DTX1: variants seen among roughly 807,000 people sequenced by gnomAD.
DTX1 encodes the protein deltex E3 ubiquitin ligase 1.
In DTX1, 26 loss-of-function variants were observed where a neutral mutation model predicts 57.8. The ratio of observed to expected loss-of-function variants is 0.45; its 90% confidence interval spans 0.33 to 0.62. The LOEUF (loss-of-function observed/expected upper bound fraction) is 0.62, where lower values mean the gene tolerates loss of function less well. Among genes scored for constraint, DTX1 ranks in the 20% least tolerant of loss-of-function variants. The probability of loss-of-function intolerance (pLI) is 0.02; values close to 1 mark genes in which losing one functional copy is unlikely to be tolerated. For missense variants in DTX1, 704 were observed against 895.3 expected, an observed-to-expected ratio of 0.79 and a Z score of 2.73; for synonymous variants, 398 against 394.1, an observed-to-expected ratio of 1.01 and a Z score of -0.12.
At chr12:113,094,171 G>A in intron 6 of DTX1, 72 bp downstream of exon 6, 2 of 1,414,530 alleles carry the variant, frequency 1.4e-6, no homozygotes, top group Non-Finnish European at 1.9e-6. Flanking sequence ...CCCTCCTCCT[G>A]GGTTCTGGGT....
In DTX1 at chr12:113,093,742, T is replaced by A. The variant is rs750224436; in HGVS notation, c.1165+42T>A. The A allele has an allele frequency of 1.2e-6, 2 of 1,606,312 alleles. No homozygotes were observed. The highest frequency in any genetic ancestry group is 3.4e-5 in the Admixed American group (2 of 59,606). ...CTGCCTCACACGAGATGAACCCCAC[T>A]AAGCCTTGACCACAACTCTGTGACC... On this transcript the variant is annotated intron_variant, in intron 5 of 9. Transcript: ENST00000548759. This position sits in a 1 kb window ranked among gnomAD's most constrained non-coding sequence, Gnocchi z 4.2.
At chr12:113,087,172 T>A (rs2044867032) in intron 3 of DTX1, among the ~76,000 whole-genome samples, 1 of 151,992 alleles carries the variant, frequency 6.6e-6, no homozygotes, top group African/African-American at 2.4e-5. Context: ...AATCTGAGCC[T>A]CCAATACCAC....
chr12:113,080,281 G>A (rs1202291870), intron 3 of DTX1, among the ~76,000 whole-genome samples: 1 of 152,250 alleles, frequency 6.6e-6, no homozygotes, highest in Non-Finnish European at 1.5e-5. Context: ...GAGTCACTGA[G>A]ATCTCAGGGA....
At chr12:113,095,235 G>A (rs1476810676) in intron 8 of DTX1, 32 bp downstream of exon 8, 1 of 1,602,180 alleles carries the variant, frequency 6.2e-7, no homozygotes, top group Non-Finnish European at 8.5e-7. Context: ...CTGGCCCCCA[G>A]CCCCCACACC....
intron 2 of DTX1, among the ~76,000 whole-genome samples, chr12:113,073,545 C>G (rs1301108145): frequency 6.6e-6 from 1 of 152,212 alleles, no homozygotes; most frequent in Admixed American, 6.5e-5. Context: ...CCTCTTCAAC[C>G]CCGCCCCTTT....
Position 113,093,974 on chromosome 12 carries a change from C to G in DTX1, c.1166-64C>G. ...CTGCCCTCTGACCCCTGACCCAGTT[C>G]TGAGCCAAGCCTTCGGGGACAGACT... On this transcript the variant is annotated intron_variant, in intron 5 of 9. Coordinates refer to ENST00000548759, the MANE Select transcript of DTX1 (RefSeq NM_004416.3). The surrounding 1 kb of genome is among the most constrained non-coding windows in gnomAD (Gnocchi z 4.2). 6.4e-7 allele frequency: 1 copy of G among 1,552,414 alleles called. No homozygotes were observed. The highest frequency in any genetic ancestry group is 8.7e-7 in the Non-Finnish European group (1 of 1,145,856).
At chr12:113,060,885 G>A (rs939206425) in intron 2 of DTX1, among the ~76,000 whole-genome samples, 1 of 151,980 alleles carries the variant, frequency 6.6e-6, no homozygotes, top group Non-Finnish European at 1.5e-5. Context: ...TGGGTGTAGA[G>A]ATCTTCCGGG....
rs1449874987 is a variant in DTX1, at chr12:113,057,939, G to A, written c.-254G>A. ...TAGAGCTGTTTCCTCCGGCATAAGA[G>A]AGACACTTGCTTTCCAGGGCAGCAC... On this transcript the variant is annotated 5_prime_UTR_variant, in exon 2 of 10. Transcript: ENST00000548759. The A allele has an allele frequency of 1.7e-6, 1 of 581,060 alleles. No homozygotes were observed. Among genetic ancestry groups the A allele is most frequent in the African/African-American group, 1.9e-5 (1 of 53,718 alleles). 36.0% of individuals were successfully genotyped at this position (581,060 alleles called of 1,614,324 possible).
At chr12:113,082,807 AG>A (rs1222184296) in intron 3 of DTX1, among the ~76,000 whole-genome samples, 2 of 152,208 alleles carry the variant, frequency 1.3e-5, no homozygotes, top group African/African-American at 4.8e-5. Context: ...TATGTTGCCC[AG>A]GCTGGTCTCA....
chr12:113,095,330 T>C lies in DTX1; in HGVS notation c.1554T>C (p.Pro518=), dbSNP rs1950281614. The change falls in exon 9 of 10, where the codon CCT becomes CCC. Residue 518 remains proline, a synonymous_variant. Transcript: ENST00000548759. ...TGTACTGTCCCTCTCTGCAGGGCCC[T>C]GAGCACCCCAACCCCGGGAAGAAGT... is the stretch of plus-strand genomic sequence containing the variant. The part of the protein sequence containing the change: ...VYDIPTGIQG[P]EHPNPGKKFT... 2.5e-6 allele frequency: 4 copies of C among 1,614,064 alleles called. No homozygotes were observed. Among genetic ancestry groups the C allele is most frequent in the Non-Finnish European group, 3.4e-6 (4 of 1,179,960 alleles).
intron 2 of DTX1, among the ~76,000 whole-genome samples, chr12:113,072,781 G>A (rs981263944): frequency 4.3e-5 from 6 of 138,164 alleles, no homozygotes; most frequent in African/African-American, 1.6e-4. Context: ...TCAGCTCACT[G>A]CAACCTCTGC....
chr12:113,077,803 C>T lies in DTX1; in HGVS notation c.639C>T (p.Ala213=). 2 of 1,486,234 alleles carry T rather than the reference C, an allele frequency of 1.3e-6. No individual in the cohort carries two copies. The highest frequency in any genetic ancestry group is 1.8e-6 in the Non-Finnish European group (2 of 1,127,738). The allele number at this position is 1,486,234 out of a possible 1,614,324, so 92.1% of individuals were successfully genotyped here. ...GCCTGCTGGTCAACAGCACGCGCGC[C>T]GCCTCCAACGCCATCCTGGCCTCGC... The part of the protein sequence containing the change: ...QQCLLVNSTR[A]ASNAILASQR... The change falls in exon 3 of 10, where the codon GCC becomes GCT. Residue 213 remains alanine (A), a synonymous_variant. Coordinates refer to ENST00000548759, the MANE Select transcript of DTX1 (RefSeq NM_004416.3). This position sits in a 1 kb window ranked among gnomAD's most constrained non-coding sequence, Gnocchi z 7.8.
rs1566023564 is a variant in DTX1, at chr12:113,096,873, C to T, written c.1797C>T (p.Ser599=). The change falls in exon 10 of 10, where the codon AGC becomes AGT. Residue 599 remains serine (S), a synonymous_variant. Transcript: ENST00000548759. Reference sequence around the variant, plus strand: ...CGGGCCACGGCTACCCGGACGCTAGCTACCTAGACAACGTGCTGGCTGAGC... The same window carrying T: ...CGGGCCACGGCTACCCGGACGCTAGTTACCTAGACAACGTGCTGGCTGAGC... The part of the protein sequence containing the change: ...NLTGHGYPDA[S]YLDNVLAELT... 1 of 1,613,744 alleles carries T rather than the reference C, an allele frequency of 6.2e-7. No individual in the cohort carries two copies. Among genetic ancestry groups the T allele is most frequent in the Non-Finnish European group, 8.5e-7 (1 of 1,180,036 alleles).
intron 3 of DTX1, among the ~76,000 whole-genome samples, chr12:113,091,447 G>C (rs1950246243): frequency 6.6e-6 from 1 of 152,108 alleles, no homozygotes; most frequent in Admixed American, 6.5e-5. Flanking sequence ...GTGTGTCTGT[G>C]TGTGCATGTA....
intron 2 of DTX1, among the ~76,000 whole-genome samples, chr12:113,064,549 C>T (rs2044690732): frequency 1.3e-5 from 2 of 152,254 alleles, no homozygotes; most frequent in South Asian, 4.1e-4. Context: ...ATGGAAATAG[C>T]CTTTGAACCC....
Position 113,093,767 on chromosome 12 carries a change from C to A in DTX1, c.1165+67C>A. The A allele has an allele frequency of 6.3e-7, 1 of 1,586,522 alleles. No individual in the cohort carries two copies. Among genetic ancestry groups the A allele is most frequent in the East Asian group, 2.3e-5 (1 of 44,294 alleles). On this transcript the variant is annotated intron_variant, in intron 5 of 9. Coordinates refer to ENST00000548759, the MANE Select transcript of DTX1 (RefSeq NM_004416.3). This position sits in a 1 kb window ranked among gnomAD's most constrained non-coding sequence, Gnocchi z 4.2. The stretch of plus-strand genomic sequence containing the variant: ...TAAGCCTTGACCACAACTCTGTGAC[C>A]CCTGGTCTCCAACTTATTCTTAGCA...
At chr12:113,076,458 GAAAAAA>G (rs56382675) in intron 2 of DTX1, among the ~76,000 whole-genome samples, 1 of 126,522 alleles carries the variant, frequency 7.9e-6, no homozygotes, top group Non-Finnish European at 1.7e-5. Context: ...ACTCTGCCTG[GAAAAAA>G]AAAAAAAAAA....
At chr12:113,091,511 T>C (rs1950246799) in intron 3 of DTX1, among the ~76,000 whole-genome samples, 1 of 151,988 alleles carries the variant, frequency 6.6e-6, no homozygotes, top group African/African-American at 2.4e-5. Context: ...TACTTAAACA[T>C]GTGTGTGTAA....
chr12:113,075,853 T>C (rs540982706), intron 2 of DTX1, among the ~76,000 whole-genome samples: 4 of 152,286 alleles, frequency 2.6e-5, no homozygotes, highest in Non-Finnish European at 5.9e-5. Context: ...CTAATGAATT[T>C]ATTCATTCAT....
Sources: gnomAD v4.1 joint callset for allele counts (sites outside exome capture counted in the v4.1 genomes callset) on GRCh38, gnomAD v4.1.1 for gene constraint, Gnocchi (gnomAD v3.1) non-coding constraint, MANE v1.5 for transcripts, NCBI Gene and HGNC (gene_info 2026-07-23, HGNC 2026-07-21) for gene names.